FASTKD3: variants seen among roughly 807,000 people sequenced by gnomAD.
FASTKD3 encodes FAST kinase domain-containing protein 3, mitochondrial.
A neutral mutation model predicts 49.7 loss-of-function variants in FASTKD3; 47 were observed. The observed-to-expected ratio is 0.95, with a 90% CI of 0.75 to 1.21. FASTKD3 has a LOEUF of 1.21. FASTKD3 is among the 50% of genes most tolerant of loss of function. The probability of loss-of-function intolerance (pLI) is 0.00; values close to 1 mark genes in which losing one functional copy is unlikely to be tolerated. For synonymous variants in FASTKD3, 284 were observed against 288.6 expected (o/e 0.98, Z 0.16); for missense variants, 748 against 765.7 (o/e 0.98, Z 0.27).
chr5:7,867,108 C>G lies in FASTKD3; in HGVS notation c.976G>C (p.Val326Leu). 1 of 1,614,176 alleles carries G rather than the reference C, an allele frequency of 6.2e-7. No individual in the cohort carries two copies. Among genetic ancestry groups the G allele is most frequent in the Non-Finnish European group, 8.5e-7 (1 of 1,180,038 alleles). Residue 326 changes from valine to leucine, a missense_variant, in exon 2 of 7, where the codon GTC (valine) becomes CTC (leucine). Coordinates refer to ENST00000264669, the MANE Select transcript of FASTKD3 (RefSeq NM_024091.4). The stretch of plus-strand genomic sequence containing the variant: ...AGCTCCTCGTTAGTGAAATGTGGGA[C>G]ATGCCTCACGACATATTTGCCCAAT... Reference protein sequence around the residue: ...IKLGKYVVRHVPHFTNEELRR... With the variant: ...IKLGKYVVRHLPHFTNEELRR...
In FASTKD3 at chr5:7,868,000, T is replaced by C. The variant is rs761131854; in HGVS notation, c.84A>G (p.Lys28=). ...MHRALAALKN[K]PLNHVHKVVK... is the part of the protein sequence containing the mutation. Reference sequence around the variant, plus strand: ...CTACCTTGTGAACATGATTTAGAGGTTTATTTTTTAAAGCAGCCAGAGCTC... The same window carrying C: ...CTACCTTGTGAACATGATTTAGAGGCTTATTTTTTAAAGCAGCCAGAGCTC... The change falls in exon 2 of 7, where the codon AAA becomes AAG. Residue 28 remains lysine (K), a synonymous_variant. Coordinates refer to ENST00000264669, the MANE Select transcript of FASTKD3 (RefSeq NM_024091.4). 80 of 1,613,816 alleles carry C rather than the reference T, an allele frequency of 5.0e-5. No individual in the cohort carries two copies. Among genetic ancestry groups the C allele is most frequent in the Non-Finnish European group, 6.5e-5 (77 of 1,179,982 alleles).
rs1356735865 is a variant in FASTKD3, at chr5:7,862,909, C to T, written c.1613G>A (p.Arg538Lys). The change falls in exon 4 of 7, where the codon AGA (arginine) becomes AAA (lysine). Residue 538 changes from arginine (R) to lysine (K), a missense_variant. Coordinates refer to ENST00000264669, the MANE Select transcript of FASTKD3 (RefSeq NM_024091.4). ...LETPVDSQLYRYVKIGLTNLL... is the reference protein window; with the variant it reads ...LETPVDSQLYKYVKIGLTNLL... ...GTTAGTCAGCCCAATCTTCACATATCTATAAAGCTGAGAATCCACAGGGGT... is the reference window on the plus strand; with the variant it reads ...GTTAGTCAGCCCAATCTTCACATATTTATAAAGCTGAGAATCCACAGGGGT... 8 of 1,614,054 alleles carry T rather than the reference C, an allele frequency of 5.0e-6. No homozygotes were observed. Among genetic ancestry groups the T allele is most frequent in the Non-Finnish European group, 6.8e-6 (8 of 1,179,962 alleles).
At chr5:7,868,354 A>C (rs1382929996) in intron 1 of FASTKD3, among the ~76,000 whole-genome samples, 158 bp from the exon 2 acceptor site, 1 of 152,230 alleles carries the variant, frequency 6.6e-6, no homozygotes, top group Non-Finnish European at 1.5e-5. Context: ...TAACTTACAC[A>C]GATTCAGTAC....
chr5:7,866,506 ATCTGTTAACT>A (rs1746959786), intron 2 of FASTKD3, 130 bp downstream of exon 2: 8 of 667,744 alleles, frequency 1.2e-5, no homozygotes, highest in Middle Eastern at 4.2e-4. Flanking sequence ...TTATGCCAGC[ATCTGTTAACT>A]TCAGGTCTCA....
Position 7,859,496 on chromosome 5 carries a change from AATTCACGTCTTG to A in FASTKD3, c.1916_1927del (p.Ser639_Glu642del), listed in dbSNP as rs1247799817. 6.2e-7 allele frequency: 1 copy of A among 1,606,946 alleles called. No individual in the cohort carries two copies. The highest frequency in any genetic ancestry group is 1.7e-5 in the Admixed American group (1 of 58,886). On this transcript the variant is annotated inframe_deletion, in exon 7 of 7. Transcript: ENST00000264669. ...CAGTTTTCTTTGTAAATATTCCACCAATTCACGTCTTGATTTTAGCATCCCAATCTCATGATA... is the reference window on the plus strand; with the variant it reads ...CAGTTTTCTTTGTAAATATTCCACCAATTTTAGCATCCCAATCTCATGATA...
chr5:7,861,089 A>G lies in FASTKD3; in HGVS notation c.1884+60T>C. 6 of 1,040,422 alleles carry G rather than the reference A, an allele frequency of 5.8e-6. No individual in the cohort carries two copies. The Admixed American group carries it at 1.3e-4, about 22-fold the overall frequency. 64.4% of individuals were successfully genotyped at this position (1,040,422 alleles called of 1,614,324 possible). A position where few individuals can be genotyped will look rare whatever the true frequency, so the allele number is the denominator to read the frequency against. ...AGATTACTTTTTAAAAGTAACCTGG[A>G]AAAATAATTTTGAAATAGGATTTGC... On this transcript the variant is annotated intron_variant, in intron 6 of 6. Coordinates refer to ENST00000264669, the MANE Select transcript of FASTKD3 (RefSeq NM_024091.4).
Position 7,867,767 on chromosome 5 carries a change from A to C in FASTKD3, c.317T>G (p.Leu106Arg). The change falls in exon 2 of 7, where the codon CTG (leucine) becomes CGG (arginine). Residue 106 changes from leucine (L) to arginine (R), a missense_variant. This residue lies in a region of FASTKD3 where 564 missense variants were observed against 562.8 expected (regional missense o/e 1.00). Transcript: ENST00000264669. ...NEESQMFYRR[L>R]SNLTSSEEVL... ...TTCTTCTGATGAAGTCAAGTTGCTC[A>C]GTCTCCTGTAAAACATCTGACTCTC... 1 of 1,614,236 alleles carries C rather than the reference A, an allele frequency of 6.2e-7. No homozygotes were observed. The highest frequency in any genetic ancestry group is 1.1e-5 in the South Asian group (1 of 91,086).
intron 6 of FASTKD3, among the ~76,000 whole-genome samples, chr5:7,860,719 G>A (rs902037667): frequency 6.6e-5 from 10 of 152,230 alleles, no homozygotes; most frequent in African/African-American, 2.4e-4. Flanking sequence ...GACCAAGCCA[G>A]TTGGGCCTTG....
At position 7,867,428 on chromosome 5, in the gene FASTKD3, C is replaced by T; in HGVS notation, c.656G>A (p.Cys219Tyr). Residue 219 changes from cysteine (C) to tyrosine (Y), a missense_variant, in exon 2 of 7, where the codon TGT (cysteine) becomes TAT (tyrosine). By Grantham distance (194) the Cys-to-Tyr change is radical. This residue lies in a region of FASTKD3 where 564 missense variants were observed against 562.8 expected (regional missense o/e 1.00). Coordinates refer to ENST00000264669, the MANE Select transcript of FASTKD3 (RefSeq NM_024091.4). ...RKGGMEVRNL[C>Y]ILGESLITLH... ...TGTAATCAGACTTTCCCCAAGAATA[C>T]AAAGATTGCGAACTTCCATGCCACC... The T allele has an allele frequency of 6.2e-7, 1 of 1,614,156 alleles. No individual in the cohort carries two copies. Among genetic ancestry groups the T allele is most frequent in the South Asian group, 1.1e-5 (1 of 91,082 alleles).
In FASTKD3 at chr5:7,866,875, A is replaced by C; in HGVS notation, c.1209T>G (p.Phe403Leu). ...AETFVCQTEK[F>L]SPRQISALME... ...TTAAGGCAGAAATCTGACGAGGTGAAAATTTTTCTGTTTGGCAAACAAAAG... is the reference window on the plus strand; with the variant it reads ...TTAAGGCAGAAATCTGACGAGGTGACAATTTTTCTGTTTGGCAAACAAAAG... Residue 403 changes from phenylalanine (F) to leucine (L), a missense_variant, in exon 2 of 7, where the codon TTT becomes TTG. Physicochemically the swap from Phe to Leu is conservative, Grantham distance 22. This residue lies in a region of FASTKD3 where 564 missense variants were observed against 562.8 expected (regional missense o/e 1.00). Coordinates refer to ENST00000264669, the MANE Select transcript of FASTKD3 (RefSeq NM_024091.4). The C allele has an allele frequency of 6.2e-7, 1 of 1,614,116 alleles. No individual in the cohort carries two copies. The highest frequency in any genetic ancestry group is 8.5e-7 in the Non-Finnish European group (1 of 1,180,022).
intron 6 of FASTKD3, 56 bp from the exon 7 acceptor site, chr5:7,859,595 TG>T: frequency 8.9e-7 from 1 of 1,127,856 alleles, no homozygotes; most frequent in Non-Finnish European, 1.3e-6. Context: ...GAGGTTCCTC[TG>T]GCTATTGGTT....
chr5:7,863,484 G>A (rs1277940312), intron 3 of FASTKD3, among the ~76,000 whole-genome samples: 1 of 152,142 alleles, frequency 6.6e-6, no homozygotes, highest in Non-Finnish European at 1.5e-5. Flanking sequence ...TGCTCATGAA[G>A]CATTCTGGAT....
At chr5:7,862,770 A>C in intron 4 of FASTKD3, 53 bp downstream of exon 4, 1 of 1,486,310 alleles carries the variant, frequency 6.7e-7, no homozygotes, top group Non-Finnish European at 9.2e-7. Flanking sequence ...TATATCTCCA[A>C]AATCGAACAG....
chr5:7,866,731 A>G lies in FASTKD3; in HGVS notation c.1353T>C (p.Leu451=). The G allele has an allele frequency of 1.2e-6, 2 of 1,613,802 alleles. No individual in the cohort carries two copies. The highest frequency in any genetic ancestry group is 1.7e-6 in the Non-Finnish European group (2 of 1,179,900). The part of the protein sequence containing the change: ...NYFPPKSLLK[L]LHSCSLNECH... ...ATTCATTAAGTGAACATGAATGAAGAAGTTTCAATAATGATTTGGGTGGAA... is the reference window on the plus strand; with the variant it reads ...ATTCATTAAGTGAACATGAATGAAGGAGTTTCAATAATGATTTGGGTGGAA... The change falls in exon 2 of 7, where the codon CTT becomes CTC. Residue 451 remains leucine (L), a synonymous_variant. Coordinates refer to ENST00000264669, the MANE Select transcript of FASTKD3 (RefSeq NM_024091.4).
At chr5:7,861,080 G>A in intron 6 of FASTKD3, 69 bp downstream of exon 6, 1 of 972,456 alleles carries the variant, frequency 1.0e-6, no homozygotes, top group Non-Finnish European at 1.6e-6. Flanking sequence ...CTTTTTAAAA[G>A]TAACCTGGAA....
At chr5:7,868,303 C>CA (rs1288166849) in intron 1 of FASTKD3, 107 bp from the exon 2 acceptor site, 3 of 488,200 alleles carry the variant, frequency 6.1e-6, no homozygotes, top group Non-Finnish European at 1.1e-5. Flanking sequence ...TGAACAATAA[C>CA]AATCGCTATT....
At chr5:7,868,358 T>A (rs1747213630) in intron 1 of FASTKD3, among the ~76,000 whole-genome samples, 162 bp from the exon 2 acceptor site, 1 of 152,190 alleles carries the variant, frequency 6.6e-6, no homozygotes, top group South Asian at 2.1e-4. Flanking sequence ...TTACACAGAT[T>A]CAGTACTTTT....
chr5:7,866,568 G>T, intron 2 of FASTKD3, 78 bp downstream of exon 2: 1 of 1,061,940 alleles, frequency 9.4e-7, no homozygotes, highest in Middle Eastern at 2.9e-4. Flanking sequence ...GCAACATATT[G>T]CCTTTATATG....
At chr5:7,862,785 C>T (rs190182811) in intron 4 of FASTKD3, 38 bp downstream of exon 4, 3 of 1,549,906 alleles carry the variant, frequency 1.9e-6, no homozygotes, top group Non-Finnish European at 2.6e-6. Flanking sequence ...GAACAGGATG[C>T]TTAGGTTTAA....
Sources: gnomAD v4.1 joint callset for allele counts (sites outside exome capture counted in the v4.1 genomes callset) on GRCh38, gnomAD v4.1.1 for gene constraint, gnomAD v4.1.1 regional missense constraint, MANE v1.5 for transcripts, NCBI Gene and HGNC (gene_info 2026-07-23, HGNC 2026-07-21) for gene names.